The following METTL8 variants were observed in gnomAD, a reference collection of about 807,000 sequenced individuals.
METTL8 encodes methyltransferase 8, tRNA N3-cytidine, also known as tRNA N(3)-cytidine methyltransferase METTL8, mitochondrial.
METTL8 carries 32 observed loss-of-function variants against 48.7 expected under a neutral mutation model. That is an observed-to-expected ratio of 0.66 (90% CI 0.50 to 0.88). The LOEUF (loss-of-function observed/expected upper bound fraction) is 0.88, where lower values mean the gene tolerates loss of function less well. Among genes scored for constraint, METTL8 ranks in the 40% least tolerant of loss-of-function variants. The probability of loss-of-function intolerance (pLI) is 0.00; values close to 1 mark genes in which losing one functional copy is unlikely to be tolerated. For missense variants in METTL8, 464 were observed against 474.4 expected (o/e 0.98, Z 0.20); for synonymous variants, 136 against 157.1 (o/e 0.87, Z 1.01).
At chr2:171,374,186 C>T (rs1195331879) in intron 2 of METTL8, among the ~76,000 whole-genome samples, 3 of 151,984 alleles carry the variant, frequency 2.0e-5, no homozygotes, top group Non-Finnish European at 2.9e-5. Flanking sequence ...AGTTGGATTC[C>T]TAGGTATTTT....
At chr2:171,355,168 T>C (rs1395515835) in intron 3 of METTL8, among the ~76,000 whole-genome samples, 2 of 152,202 alleles carry the variant, frequency 1.3e-5, no homozygotes, top group African/African-American at 4.8e-5. Context: ...CCTTTCTGTT[T>C]GTTAGTTTTC....
At chr2:171,389,961 C>A (rs1320760834) in intron 2 of METTL8, among the ~76,000 whole-genome samples, 2 of 152,152 alleles carry the variant, frequency 1.3e-5, no homozygotes, top group Non-Finnish European at 2.9e-5. Context: ...ACTTTCATAG[C>A]CAGAAAGGAG....
chr2:171,387,767 T>A (rs1241532099), intron 2 of METTL8, among the ~76,000 whole-genome samples: 1 of 152,138 alleles, frequency 6.6e-6, no homozygotes, highest in Non-Finnish European at 1.5e-5. Context: ...CTGTGGCTAG[T>A]GACTACCATA....
upstream of METTL8, chr2:171,434,323 C>G (rs1368429299): frequency 6.0e-6 from 4 of 663,126 alleles, no homozygotes; most frequent in South Asian, 6.0e-5. Context: ...GCACTGTCAG[C>G]GGCCAGAGAG....
At chr2:171,404,049 T>A (rs1689903884) in intron 1 of METTL8, among the ~76,000 whole-genome samples, 1 of 57,362 alleles carries the variant, frequency 1.7e-5, no homozygotes, top group Non-Finnish European at 3.5e-5. Context: ...TACTATGCTT[T>A]CTCATATATA....
chr2:171,339,025 G>A (rs1345748934), intron 4 of METTL8, among the ~76,000 whole-genome samples, 159 bp downstream of exon 4: 1 of 151,718 alleles, frequency 6.6e-6, no homozygotes, highest in African/African-American at 2.4e-5. Flanking sequence ...TTAAAGACAT[G>A]AGTCCCTTAG....
At chr2:171,378,773 C>T (rs1283568937) in intron 2 of METTL8, among the ~76,000 whole-genome samples, 1 of 152,126 alleles carries the variant, frequency 6.6e-6, no homozygotes, top group East Asian at 1.9e-4. Context: ...TCTTAGAGAC[C>T]TACAAGGAGA....
At chr2:171,392,267 C>G (rs1187230811) in intron 1 of METTL8, 70 bp from the exon 2 acceptor site, 3 of 1,317,430 alleles carry the variant, frequency 2.3e-6, no homozygotes, top group Non-Finnish European at 3.1e-6. Flanking sequence ...ATACCCAAAA[C>G]CTGGTTCTAA....
rs575288862 is a variant in METTL8 at position 171,386,069 on chromosome 2, G to A, written c.143+5974C>T. 2.6e-5 allele frequency among the ~76,000 whole-genome samples: 4 copies of A among 152,366 alleles called. No individual in the cohort carries two copies. In the South Asian group the frequency reaches 8.3e-4, roughly 32 times the overall value. On this transcript the variant is annotated intron_variant, in intron 2 of 9. Transcript: ENST00000375258. ...CAGCCCAAAGCTAGCCCGTGTGTTT[G>A]AGGAGTGCTGGACCAGATGATCCTT...
chr2:171,359,074 T>C (rs527941663), intron 3 of METTL8, among the ~76,000 whole-genome samples: 1 of 150,748 alleles, frequency 6.6e-6, no homozygotes, highest in Admixed American at 6.7e-5. Context: ...CAGACCACCC[T>C]GGGCTGAGGT....
Position 171,317,316 on chromosome 2 carries a change from G to A in METTL8, c.*6856C>T, listed in dbSNP as rs1030389203. The A allele has an allele frequency of 6.6e-6, 1 of 151,212 alleles. No individual in the cohort carries two copies. The highest frequency in any genetic ancestry group is 1.5e-5 in the Non-Finnish European group (1 of 68,016). 9.4% of individuals were successfully genotyped at this position (151,212 alleles called of 1,614,324 possible). Reference sequence around the variant, plus strand: ...TAGGAGCAATGGATTGAAAATATTTGGCCAAATAATTTTTATAAGCATAAC... The same window carrying A: ...TAGGAGCAATGGATTGAAAATATTTAGCCAAATAATTTTTATAAGCATAAC... On this transcript the variant is annotated 3_prime_UTR_variant, in exon 10 of 10. Transcript: ENST00000375258.
rs1684583534 is a variant in METTL8, at chr2:171,322,622, T to C, written c.*1550A>G. ...AGCTGGGCATGGTGGTGGGTGCTTGTAGTCCCAGCTACTCAGGAGGCTGAA... is the reference window on the plus strand; with the variant it reads ...AGCTGGGCATGGTGGTGGGTGCTTGCAGTCCCAGCTACTCAGGAGGCTGAA... On this transcript the variant is annotated 3_prime_UTR_variant, in exon 10 of 10. Coordinates refer to ENST00000375258, the MANE Select transcript of METTL8 (RefSeq NM_001321154.2). 1.3e-5 allele frequency: 2 copies of C among 150,872 alleles called. No homozygotes were observed. Among genetic ancestry groups the C allele is most frequent in the South Asian group, 2.1e-4 (1 of 4,760 alleles). 9.3% of individuals were successfully genotyped at this position (150,872 alleles called of 1,614,324 possible).
At chr2:171,422,592 A>G (rs13386613) in intron 1 of METTL8, among the ~76,000 whole-genome samples, 8,589 of 152,304 alleles carry the variant, frequency 0.056, 275 homozygotes, top group African/African-American at 0.074. Flanking sequence ...ACGGAGAAAC[A>G]TGCAGAAACA....
In METTL8 at chr2:171,320,125, T is replaced by G. The variant is rs975726773; in HGVS notation, c.*4047A>C. The stretch of plus-strand genomic sequence containing the variant: ...ATCTATAGACAAAATTCCAAATAGG[T>G]CTTTCCCTTTTCTTTCTGTGCCAAA... On this transcript the variant is annotated 3_prime_UTR_variant, in exon 10 of 10. Coordinates refer to ENST00000375258, the MANE Select transcript of METTL8 (RefSeq NM_001321154.2). The G allele has an allele frequency of 6.6e-6, 1 of 151,904 alleles. No homozygotes were observed. The highest frequency in any genetic ancestry group is 2.4e-5 in the African/African-American group (1 of 41,350). 9.4% of individuals were successfully genotyped at this position (151,904 alleles called of 1,614,324 possible). A position where few individuals can be genotyped will look rare whatever the true frequency, so the allele number is the denominator to read the frequency against.
At chr2:171,334,562 T>C (rs948251760) in intron 5 of METTL8, among the ~76,000 whole-genome samples, 12 of 152,164 alleles carry the variant, frequency 7.9e-5, no homozygotes, top group Admixed American at 5.2e-4. Flanking sequence ...ACATTAATCC[T>C]ACACTCTCTA....
intron 2 of METTL8, among the ~76,000 whole-genome samples, chr2:171,371,021 C>G (rs1686274350): frequency 6.6e-6 from 1 of 152,096 alleles, no homozygotes; most frequent in Non-Finnish European, 1.5e-5. Flanking sequence ...TATAATTATT[C>G]TATTTCATCA....
intron 3 of METTL8, among the ~76,000 whole-genome samples, chr2:171,346,382 A>C (rs981743284): frequency 6.6e-6 from 1 of 152,210 alleles, no homozygotes; most frequent in Admixed American, 6.6e-5. Flanking sequence ...TCCTGCAGCA[A>C]GACTATTATT....
intron 1 of METTL8, among the ~76,000 whole-genome samples, chr2:171,401,213 T>C (rs1462354054): frequency 6.6e-6 from 1 of 152,118 alleles, no homozygotes; most frequent in East Asian, 1.9e-4. Context: ...CTGTTGTACT[T>C]TTTTGGAGAG....
chr2:171,411,850 T>A (rs922953989), intron 1 of METTL8, among the ~76,000 whole-genome samples: 1 of 152,198 alleles, frequency 6.6e-6, no homozygotes, highest in Admixed American at 6.5e-5. Context: ...TGGGAAAATA[T>A]GCTATAAAAG....
Sources: allele counts gnomAD v4.1 joint callset (sites outside exome capture counted in the v4.1 genomes callset), GRCh38; gene constraint gnomAD v4.1.1; transcripts MANE v1.5; gene names NCBI Gene and HGNC (gene_info 2026-07-23, HGNC 2026-07-21).